The following ZFR variants were observed in gnomAD, a reference collection of about 807,000 sequenced individuals.
ZFR encodes zinc finger RNA binding protein.
In ZFR, 19 loss-of-function variants were observed where a neutral mutation model predicts 130.7. The observed-to-expected ratio is 0.15, with a 90% CI of 0.10 to 0.21. ZFR has a LOEUF of 0.21. ZFR is among the 10% of genes least tolerant of loss of function. The pLI is 1.00. For synonymous variants in ZFR, 466 were observed against 456.9 expected, an observed-to-expected ratio of 1.02 and a Z score of -0.25; for missense variants, 872 against 1,321.5, an observed-to-expected ratio of 0.66 and a Z score of 5.27.
chr5:32,400,157 T>C lies in ZFR; in HGVS notation c.1563A>G (p.Lys521=). ...GAGTACTTTTAACACATTCGGTTCC[T>C]TTTATGTCTTCTGCTTTATTTCCTG... The part of the protein sequence containing the change: ...QSTGNKAEDI[K]GTECVKSTPV... The change falls in exon 9 of 20, where the codon AAA becomes AAG. Residue 521 remains lysine, a synonymous_variant. Transcript: ENST00000265069. 3 of 1,611,856 alleles carry C rather than the reference T, an allele frequency of 1.9e-6. No individual in the cohort carries two copies. The South Asian group carries it at 3.3e-5, about 18-fold the overall frequency.
At chr5:32,390,906 A>G (rs936070485) in intron 11 of ZFR, among the ~76,000 whole-genome samples, 1 of 152,224 alleles carries the variant, frequency 6.6e-6, no homozygotes, top group African/African-American at 2.4e-5. Flanking sequence ...TGTTGGGGAC[A>G]CATTAAGGGT....
chr5:32,416,914 C>CT (rs57923621), intron 4 of ZFR, among the ~76,000 whole-genome samples: 73,894 of 146,154 alleles, frequency 0.51, 18,905 homozygotes, highest in Middle Eastern at 0.61. Context: ...CATTTTTTTT[C>CT]TTTTTTTTTT....
chr5:32,442,466 A>G (rs560568428), intron 2 of ZFR, among the ~76,000 whole-genome samples: 1 of 152,374 alleles, frequency 6.6e-6, no homozygotes, highest in Admixed American at 6.5e-5. Flanking sequence ...TTATCAAAGT[A>G]GCTGAAACTT....
At chr5:32,367,090 A>C (rs1752563798) in intron 17 of ZFR, among the ~76,000 whole-genome samples, 2 of 151,908 alleles carry the variant, frequency 1.3e-5, no homozygotes, top group African/African-American at 4.8e-5. Context: ...TTTTTGAGAG[A>C]CAGGGTCTTG....
Position 32,444,222 on chromosome 5 carries a change from C to T in ZFR, c.137+7G>A. 5 of 1,595,128 alleles carry T rather than the reference C, an allele frequency of 3.1e-6. No homozygotes were observed. The highest frequency in any genetic ancestry group is 1.1e-5 in the South Asian group (1 of 88,362). On this transcript the variant is annotated splice_region_variant and intron_variant, in intron 2 of 19. Coordinates refer to ENST00000265069, the MANE Select transcript of ZFR (RefSeq NM_016107.5). ...GGGCGAACAGAGAGAAGGCAGGATGCCGTTACCTATATTGGGCCGCAGCCG... is the reference window on the plus strand; with the variant it reads ...GGGCGAACAGAGAGAAGGCAGGATGTCGTTACCTATATTGGGCCGCAGCCG...
intron 17 of ZFR, among the ~76,000 whole-genome samples, chr5:32,367,959 T>C (rs1473322196): frequency 6.6e-6 from 1 of 152,214 alleles, no homozygotes; most frequent in Non-Finnish European, 1.5e-5. Flanking sequence ...ACCCAGGTCT[T>C]TCTGAAATCA....
intron 19 of ZFR, among the ~76,000 whole-genome samples, chr5:32,361,356 T>C (rs1289257658): frequency 6.6e-6 from 1 of 152,198 alleles, no homozygotes; most frequent in African/African-American, 2.4e-5. Context: ...TCATCTACAA[T>C]TATTAGGGAC....
In ZFR at chr5:32,385,752, A is replaced by G. The variant is rs1753030600; in HGVS notation, c.2500-103T>C. On this transcript the variant is annotated intron_variant, in intron 14 of 19. Coordinates refer to ENST00000265069, the MANE Select transcript of ZFR (RefSeq NM_016107.5). ...ACTCTCTTACTACCCTAACCATTCT[A>G]TATGAGGACCAGATTATATACTGCT... The G allele has an allele frequency of 3.0e-6, 4 of 1,320,566 alleles. No individual in the cohort carries two copies. In the South Asian group the frequency reaches 4.1e-5, roughly 14 times the overall value. 81.8% of individuals were successfully genotyped at this position (1,320,566 alleles called of 1,614,324 possible).
chr5:32,385,950 CAT>C (rs1433414549), intron 14 of ZFR, among the ~76,000 whole-genome samples: 1 of 152,086 alleles, frequency 6.6e-6, no homozygotes. Flanking sequence ...ATATTTATAA[CAT>C]ATATTTGCAT....
At chr5:32,380,650 C>CTT (rs55724344) in intron 15 of ZFR, among the ~76,000 whole-genome samples, 10 of 97,054 alleles carry the variant, frequency 1.0e-4, no homozygotes, top group African/African-American at 2.6e-4. Flanking sequence ...ACAGGCATTT[C>CTT]TTTTTTTTTT....
At chr5:32,411,032 A>T (rs184385165) in intron 5 of ZFR, among the ~76,000 whole-genome samples, 14 of 152,338 alleles carry the variant, frequency 9.2e-5, no homozygotes, top group Admixed American at 7.2e-4. Context: ...AATGTCCTCA[A>T]ATACACACTT....
Position 32,390,974 on chromosome 5 carries a change from GCTC to G in ZFR, c.1980-540_1980-538del, listed in dbSNP as rs1234311821. Among the ~76,000 whole-genome samples the G allele has an allele frequency of 3.3e-5, 5 of 152,286 alleles. No individual in the cohort carries two copies. The South Asian group carries it at 1.0e-3, about 32-fold the overall frequency. On this transcript the variant is annotated intron_variant, in intron 11 of 19. Transcript: ENST00000265069. Reference sequence around the variant, plus strand: ...TAGAGATAACAGCTGCTGCAACTCAGCTCCTATTAATTGTTGCCATAAGGGAAT... The same window carrying G: ...TAGAGATAACAGCTGCTGCAACTCAGCTATTAATTGTTGCCATAAGGGAAT...
At chr5:32,360,805 T>C (rs974124455) in intron 19 of ZFR, among the ~76,000 whole-genome samples, 1 of 152,152 alleles carries the variant, frequency 6.6e-6, no homozygotes, top group Admixed American at 6.5e-5. Context: ...TTGCTCAAAC[T>C]GGTAATGCAC....
At position 32,389,953 on chromosome 5, in the gene ZFR, C is replaced by T. The variant is rs576544153; in HGVS notation, c.2142+322G>A. 4.3e-4 allele frequency among the ~76,000 whole-genome samples: 65 copies of T among 152,302 alleles called. 1 individual carries two copies. The highest frequency in any genetic ancestry group is 1.5e-3 in the African/African-American group (63 of 41,560). On this transcript the variant is annotated intron_variant, in intron 12 of 19. Transcript: ENST00000265069. ...ATCTCCTGAAGTCAGGAGTTCAAGA[C>T]CAGCCTGGCCAACGTGGCGAAACTC...
intron 2 of ZFR, 57 bp downstream of exon 2, chr5:32,444,172 G>A (rs1369220366): frequency 1.3e-6 from 2 of 1,555,036 alleles, no homozygotes; most frequent in South Asian, 1.2e-5. Flanking sequence ...CGCATCGACA[G>A]GATCCGGACC....
intron 12 of ZFR, 148 bp downstream of exon 12, chr5:32,390,127 C>T (rs1479551199): frequency 9.4e-7 from 1 of 1,058,290 alleles, no homozygotes; most frequent in Non-Finnish European, 1.3e-6. Context: ...TGCACTCCAG[C>T]CTGGGCGACA....
chr5:32,402,899 A>AT (rs1753492856), intron 8 of ZFR, among the ~76,000 whole-genome samples: 1 of 152,050 alleles, frequency 6.6e-6, no homozygotes, highest in Non-Finnish European at 1.5e-5. Context: ...AGACACAGAT[A>AT]TATCTGTATG....
Position 32,385,580 on chromosome 5 carries a change from C to T in ZFR, c.2569G>A (p.Val857Met), listed in dbSNP as rs763593917. ...ATAGTGACTTGCATTTTGGGTTCCA[C>T]ACATGAATTCAAAATTATTGCCGCT... Reference protein sequence around the residue: ...SEAAIILNSCVEPKMQVTITL... With the variant: ...SEAAIILNSCMEPKMQVTITL... Residue 857 changes from valine (V) to methionine (M), a missense_variant, in exon 15 of 20, where the codon GTG becomes ATG. Val to Met is a conservative substitution (Grantham distance 21, BLOSUM62 1). Transcript: ENST00000265069. 6.2e-6 allele frequency: 10 copies of T among 1,613,502 alleles called. No individual in the cohort carries two copies. The highest frequency in any genetic ancestry group is 1.1e-5 in the South Asian group (1 of 91,050).
intron 11 of ZFR, among the ~76,000 whole-genome samples, chr5:32,394,760 T>C (rs1753262450): frequency 1.3e-5 from 2 of 152,220 alleles, no homozygotes; most frequent in Non-Finnish European, 2.9e-5. Context: ...AAATATGTTT[T>C]CTCAATTCTC....
Sources: gnomAD v4.1 joint callset for allele counts (sites outside exome capture counted in the v4.1 genomes callset) on GRCh38, gnomAD v4.1.1 for gene constraint, MANE v1.5 for transcripts, NCBI Gene and HGNC (gene_info 2026-07-23, HGNC 2026-07-21) for gene names.